Variants in ZNF677 observed in about 807,000 individuals in gnomAD.
ZNF677 encodes the protein hypothetical protein MGC48625.
Under a neutral mutation model 8.1 loss-of-function variants are expected in ZNF677, and 5 were observed. That is an observed-to-expected ratio of 0.62 (90% confidence interval 0.32 to 1.29). The LOEUF (loss-of-function observed/expected upper bound fraction) is 1.29. ZNF677 is among the 50% of genes most tolerant of loss of function. ZNF677 has a pLI of 0.05. For missense variants in ZNF677, 685 were observed against 685.9 expected (o/e 1.00, Z 0.01); for synonymous variants, 221 against 225.6 (o/e 0.98, Z 0.18).
intron 1 of ZNF677, among the ~76,000 whole-genome samples, 177 bp from the exon 2 acceptor site, chr19:53,253,333 A>C (rs1651874270): frequency 1.3e-5 from 2 of 152,136 alleles, no homozygotes. Context: ...TCAACACCTT[A>C]GAGTGAAACA....
At chr19:53,246,788 A>G (rs573784683) in intron 3 of ZNF677, among the ~76,000 whole-genome samples, 1 of 152,276 alleles carries the variant, frequency 6.6e-6, no homozygotes, top group South Asian at 2.1e-4. Flanking sequence ...AGTCTTAGAG[A>G]TCTCCTGAAT....
In ZNF677 at chr19:53,236,945, TTTC is replaced by T. The variant is rs201635844; in HGVS notation, c.*24_*26del. 153 of 1,517,504 alleles carry T rather than the reference TTTC, an allele frequency of 1.0e-4. 1 individual carries two copies. The East Asian group carries it at 3.5e-3, about 35-fold the overall frequency. The allele number at this position is 1,517,504 out of a possible 1,614,324, so 94.0% of individuals were successfully genotyped here. A position where few individuals can be genotyped will look rare whatever the true frequency, so the allele number is the denominator to read the frequency against. Reference sequence around the variant, plus strand: ...TTTACCACATTTTCGTTTTATATGGTTTCTTTTCACAATGGAGCCCCTGATGCT... The same window carrying T: ...TTTACCACATTTTCGTTTTATATGGTTTTTCACAATGGAGCCCCTGATGCT... On this transcript the variant is annotated 3_prime_UTR_variant, in exon 5 of 5. Coordinates refer to ENST00000598513, the MANE Select transcript of ZNF677 (RefSeq NM_182609.4).
In ZNF677 at chr19:53,251,620, T is replaced by C. The variant is rs1488881806; in HGVS notation, c.-55-15A>G. On this transcript the variant is annotated splice_polypyrimidine_tract_variant and intron_variant, in intron 2 of 4. Coordinates refer to ENST00000598513, the MANE Select transcript of ZNF677 (RefSeq NM_182609.4). ...GGTAAGTCAGTCTGTATGTCAAAAATATGTTGTTTAATGCTTAAAATCAAC... is the reference window on the plus strand; with the variant it reads ...GGTAAGTCAGTCTGTATGTCAAAAACATGTTGTTTAATGCTTAAAATCAAC... 1.9e-6 allele frequency: 3 copies of C among 1,603,164 alleles called. No homozygotes were observed. The highest frequency in any genetic ancestry group is 2.2e-5 in the South Asian group (2 of 90,120).
At chr19:53,243,961 C>A (rs548687197) in intron 3 of ZNF677, 64 bp from the exon 4 acceptor site, 3 of 1,468,220 alleles carry the variant, frequency 2.0e-6, no homozygotes, top group East Asian at 4.6e-5. Flanking sequence ...CACAAAATGG[C>A]AGAAAAGAGG....
intron 3 of ZNF677, among the ~76,000 whole-genome samples, chr19:53,247,390 A>AG (rs2091162798): frequency 6.6e-6 from 1 of 151,696 alleles, no homozygotes; most frequent in Non-Finnish European, 1.5e-5. Context: ...ATGACCTTAA[A>AG]AAAAAAAAAA....
chr19:53,254,065 C>T (rs918947863), intron 1 of ZNF677, among the ~76,000 whole-genome samples: 1 of 152,122 alleles, frequency 6.6e-6, no homozygotes. Flanking sequence ...AAGCCTCACA[C>T]CGTAGTTTTG....
At position 53,236,990 on chromosome 19, in the gene ZNF677, CTTAAT is replaced by C. The variant is rs1210400113; in HGVS notation, c.1732_1736del (p.Ile578ValfsTer13). ...CCTGATGCTAGGTACAGCTTGAATA[CTTAAT>C]TTTTGTCTCATTATATTTGATATGT... On this transcript the variant is annotated frameshift_variant, in exon 5 of 5. Transcript: ENST00000598513. LOFTEE classifies it low-confidence loss of function (END_TRUNC). The C allele has an allele frequency of 2.6e-6, 4 of 1,564,830 alleles. No individual in the cohort carries two copies. Among genetic ancestry groups the C allele is most frequent in the South Asian group, 2.5e-5 (2 of 80,120 alleles).
At chr19:53,238,672 G>A in intron 4 of ZNF677, 115 bp from the exon 5 acceptor site, 1 of 994,042 alleles carries the variant, frequency 1.0e-6, no homozygotes, top group South Asian at 1.9e-5. Context: ...GAGTTATGAA[G>A]CTTCTCAACT....
intron 2 of ZNF677, 48 bp downstream of exon 2, chr19:53,253,038 A>G (rs757009127): frequency 3.3e-5 from 5 of 152,228 alleles, no homozygotes; most frequent in Admixed American, 6.5e-5. Flanking sequence ...AAGCTAGAGA[A>G]AAGATAATGT....
intron 4 of ZNF677, chr19:53,241,868 A>G (rs2091054444): frequency 7.5e-6 from 3 of 398,244 alleles, no homozygotes; most frequent in African/African-American, 2.1e-5. Context: ...TCCATCGCCT[A>G]TTGGTGGGTT....
intron 3 of ZNF677, among the ~76,000 whole-genome samples, chr19:53,247,169 G>C (rs1267975612): frequency 6.6e-6 from 1 of 152,130 alleles, no homozygotes; most frequent in Non-Finnish European, 1.5e-5. Context: ...GACTTGTTCT[G>C]TGGCCTGACA....
intron 3 of ZNF677, among the ~76,000 whole-genome samples, chr19:53,250,440 A>G (rs1341203744): frequency 6.6e-6 from 1 of 152,216 alleles, no homozygotes; most frequent in Non-Finnish European, 1.5e-5. Flanking sequence ...ATGCCCACCA[A>G]TGGTGGACTG....
rs866156893 is a variant in ZNF677, at chr19:53,243,873, C to T, written c.40G>A (p.Ala14Thr). The change falls in exon 4 of 5, where the codon GCC becomes ACC. Residue 14 changes from alanine to threonine, a missense_variant. By Grantham distance (58) the Ala-to-Thr change is moderately conservative. Transcript: ENST00000598513. Reference sequence around the variant, plus strand: ...CACTCCTCTTGAGAGAATTCTATGGCCACATCCTTGAATGTAAACAGTCCC... The same window carrying T: ...CACTCCTCTTGAGAGAATTCTATGGTCACATCCTTGAATGTAAACAGTCCC... The part of the protein sequence containing the change: ...SQGLFTFKDV[A>T]IEFSQEEWEC... 54 of 1,606,676 alleles carry T rather than the reference C, an allele frequency of 3.4e-5. No homozygotes were observed. The highest frequency in any genetic ancestry group is 1.7e-4 in the Middle Eastern group (1 of 6,048).
intron 2 of ZNF677, among the ~76,000 whole-genome samples, 183 bp from the exon 3 acceptor site, chr19:53,251,788 C>G (rs529567835): frequency 1.3e-5 from 2 of 152,238 alleles, no homozygotes; most frequent in African/African-American, 2.4e-5. Flanking sequence ...GTTATTCCAC[C>G]TATGTCTTCA....
At chr19:53,243,646 A>G in intron 4 of ZNF677, 98 bp downstream of exon 4, 1 of 1,532,222 alleles carries the variant, frequency 6.5e-7, no homozygotes, top group Middle Eastern at 1.7e-4. Context: ...AAAAGTTTCA[A>G]TCTCCCCTTT....
At position 53,245,748 on chromosome 19, in the gene ZNF677, T is replaced by C. The variant is rs1365020368; in HGVS notation, c.16-1851A>G. On this transcript the variant is annotated intron_variant, in intron 3 of 4. Transcript: ENST00000598513. Reference sequence around the variant, plus strand: ...TTAAAAATAGGCCGGGCGCAGTGGCTCACACCTGTAATCCCAGCACTTTGG... The same window carrying C: ...TTAAAAATAGGCCGGGCGCAGTGGCCCACACCTGTAATCCCAGCACTTTGG... Among the ~76,000 whole-genome samples the C allele has an allele frequency of 3.3e-5, 5 of 152,302 alleles. No homozygotes were observed. In the East Asian group the frequency reaches 9.6e-4, roughly 29 times the overall value.
chr19:53,249,646 T>C (rs1251472326), intron 3 of ZNF677, among the ~76,000 whole-genome samples: 2 of 152,198 alleles, frequency 1.3e-5, no homozygotes, highest in African/African-American at 4.8e-5. Context: ...AGATAGTGGG[T>C]GATGGTGGAC....
rs564138989 is a variant in ZNF677 at position 53,238,377 on chromosome 19, T to C, written c.350A>G (p.Tyr117Cys). The C allele has an allele frequency of 8.2e-5, 133 of 1,613,714 alleles. 1 individual carries two copies. The South Asian group carries it at 1.3e-3, about 16-fold the overall frequency. Residue 117 changes from tyrosine (Y) to cysteine (C), a missense_variant, in exon 5 of 5, where the codon TAC (tyrosine) becomes TGC (cysteine). By Grantham distance (194) the Tyr-to-Cys change is radical. Transcript: ENST00000598513. ...GTTACAGGTCAAAGGCATTCCTTTG[T>C]AATTTTTTACATCATAGTCCCACAG... ...DSLWDYDVKNYKGMPLTCNKN... is the reference protein window; with the variant it reads ...DSLWDYDVKNCKGMPLTCNKN...
intron 2 of ZNF677, among the ~76,000 whole-genome samples, chr19:53,252,476 G>A (rs2091250344): frequency 6.6e-6 from 1 of 152,218 alleles, no homozygotes; most frequent in South Asian, 2.1e-4. Context: ...TAGGGCAGTA[G>A]CAAAGGTTTG....
Sources: allele counts gnomAD v4.1 joint callset (sites outside exome capture counted in the v4.1 genomes callset), GRCh38; gene constraint gnomAD v4.1.1; transcripts MANE v1.5; gene names NCBI Gene and HGNC (gene_info 2026-07-23, HGNC 2026-07-21).